The following PSD3 variants were observed in gnomAD, a reference collection of about 807,000 sequenced individuals.
PSD3 encodes PH and SEC7 domain-containing protein 3.
A neutral mutation model predicts 105.5 loss-of-function variants in PSD3; 49 were observed. The ratio of observed to expected loss-of-function variants is 0.46; its 90% CI spans 0.37 to 0.59. The LOEUF (loss-of-function observed/expected upper bound fraction) is 0.59, where lower values mean the gene tolerates loss of function less well. Among genes scored for constraint, PSD3 ranks in the 20% least tolerant of loss-of-function variants. The pLI is 0.00. For synonymous variants in PSD3, 557 were observed against 457.8 expected, an observed-to-expected ratio of 1.22 and a Z score of -2.77; for missense variants, 1,561 against 1,263.8, an observed-to-expected ratio of 1.24 and a Z score of -3.57.
At chr8:18,628,651 T>C (rs901313821) in intron 11 of PSD3, among the ~76,000 whole-genome samples, 3 of 151,910 alleles carry the variant, frequency 2.0e-5, no homozygotes, top group African/African-American at 7.2e-5. Flanking sequence ...GAACATAGAA[T>C]TAAAATATAG....
At chr8:18,907,664 G>T (rs1004763514) in intron 2 of PSD3, among the ~76,000 whole-genome samples, 1 of 152,132 alleles carries the variant, frequency 6.6e-6, no homozygotes, top group Non-Finnish European at 1.5e-5. Flanking sequence ...TATAATCTAG[G>T]TTTCTGCAAG....
intron 8 of PSD3, among the ~76,000 whole-genome samples, chr8:18,772,947 T>A (rs553957219): frequency 6.6e-6 from 1 of 152,376 alleles, no homozygotes; most frequent in East Asian, 1.9e-4. Context: ...CTTATAGGTA[T>A]ATGATTTGTA....
chr8:18,760,403 C>CA (rs1256008245), intron 9 of PSD3, among the ~76,000 whole-genome samples: 1 of 151,686 alleles, frequency 6.6e-6, no homozygotes, highest in Non-Finnish European at 1.5e-5. Flanking sequence ...TTTAAATCCC[C>CA]ACCATCCCCA....
intron 12 of PSD3, among the ~76,000 whole-genome samples, chr8:18,581,779 G>C (rs1338494769): frequency 6.6e-6 from 1 of 152,196 alleles, no homozygotes; most frequent in Admixed American, 6.5e-5. Flanking sequence ...TCAGGGACCA[G>C]ACGCTATGTT....
chr8:18,706,621 T>C (rs1464793191), intron 9 of PSD3, among the ~76,000 whole-genome samples: 1 of 152,226 alleles, frequency 6.6e-6, no homozygotes, highest in Non-Finnish European at 1.5e-5. Flanking sequence ...GGCTTGGATA[T>C]ATTTTTCATC....
chr8:18,793,797 G>A (rs948087523), intron 8 of PSD3, among the ~76,000 whole-genome samples: 2 of 152,188 alleles, frequency 1.3e-5, no homozygotes, highest in Non-Finnish European at 2.9e-5. Flanking sequence ...TGAGAGGATA[G>A]CCTGCAAATG....
chr8:18,571,928 G>GA, intron 14 of PSD3, among the ~76,000 whole-genome samples: 1 of 152,114 alleles, frequency 6.6e-6, no homozygotes, highest in Non-Finnish European at 1.5e-5. Context: ...AGTTTTAAGT[G>GA]AAAAAGGACA....
At chr8:18,906,822 A>T (rs1044993987) in intron 2 of PSD3, among the ~76,000 whole-genome samples, 2 of 152,226 alleles carry the variant, frequency 1.3e-5, no homozygotes, top group Non-Finnish European at 2.9e-5. Flanking sequence ...AAGATTATAT[A>T]CCTAATTATA....
chr8:18,986,092 T>C (rs1364397583), intron 1 of PSD3, among the ~76,000 whole-genome samples: 1 of 152,116 alleles, frequency 6.6e-6, no homozygotes, highest in African/African-American at 2.4e-5. Flanking sequence ...CTCATTAACT[T>C]AGATTAATTG....
At chr8:18,640,107 T>G (rs1301045894) in intron 10 of PSD3, among the ~76,000 whole-genome samples, 1 of 152,192 alleles carries the variant, frequency 6.6e-6, no homozygotes, top group African/African-American at 2.4e-5. Flanking sequence ...ACTGTGGTCG[T>G]GAATCCATTC....
intron 12 of PSD3, among the ~76,000 whole-genome samples, chr8:18,588,317 CTA>C (rs1444417685): frequency 6.6e-6 from 1 of 152,174 alleles, no homozygotes; most frequent in Non-Finnish European, 1.5e-5. Context: ...AGACACAGAA[CTA>C]TGAAGTTTAA....
intron 7 of PSD3, among the ~76,000 whole-genome samples, chr8:18,799,962 G>A (rs565861196): frequency 1.1e-4 from 16 of 152,154 alleles, no homozygotes; most frequent in East Asian, 1.9e-4. Context: ...ATTAAAGCCA[G>A]GGTATTTTCA....
intron 9 of PSD3, among the ~76,000 whole-genome samples, chr8:18,671,737 T>C (rs1049916275): frequency 2.0e-5 from 3 of 152,014 alleles, no homozygotes; most frequent in Non-Finnish European, 4.4e-5. Flanking sequence ...GTTCACGCCA[T>C]TCTCCTGCCT....
At chr8:18,904,455 T>C (rs959910101) in intron 2 of PSD3, among the ~76,000 whole-genome samples, 9 of 152,306 alleles carry the variant, frequency 5.9e-5, no homozygotes, top group Admixed American at 2.0e-4. Flanking sequence ...GTACCCAGGA[T>C]ACAAGACATG....
intron 12 of PSD3, among the ~76,000 whole-genome samples, chr8:18,585,474 T>C (rs1289992292): frequency 6.6e-6 from 1 of 152,052 alleles, no homozygotes; most frequent in African/African-American, 2.4e-5. Context: ...AGTACCACTA[T>C]GTCTGGCTAA....
intron 1 of PSD3, among the ~76,000 whole-genome samples, chr8:19,083,502 G>GGGAAT (rs1829708678): frequency 6.6e-6 from 1 of 152,240 alleles, no homozygotes; most frequent in Non-Finnish European, 1.5e-5. Flanking sequence ...CTTCCTGATG[G>GGGAAT]GGAATGGAGG....
intron 9 of PSD3, among the ~76,000 whole-genome samples, chr8:18,724,634 AAAT>A (rs1480534734): frequency 6.6e-6 from 1 of 152,042 alleles, no homozygotes; most frequent in African/African-American, 2.4e-5. Context: ...ATAAAAATAA[AAAT>A]AAAAATAAAA....
intron 1 of PSD3, among the ~76,000 whole-genome samples, chr8:19,004,369 C>T (rs78662987): frequency 0.12 from 18,213 of 152,020 alleles, 1,351 homozygotes; most frequent in Non-Finnish European, 0.16. Flanking sequence ...AGTCATCATA[C>T]TGAAAGTTTT....
At chr8:19,064,228 C>A (rs1244080452) in intron 1 of PSD3, among the ~76,000 whole-genome samples, 1 of 152,108 alleles carries the variant, frequency 6.6e-6, no homozygotes, top group Non-Finnish European at 1.5e-5. Flanking sequence ...TAAGCTTTAA[C>A]AGCATGTAAT....
Sources: gnomAD v4.1 joint callset for allele counts (sites outside exome capture counted in the v4.1 genomes callset) on GRCh38, gnomAD v4.1.1 for gene constraint, MANE v1.5 for transcripts, NCBI Gene and HGNC (gene_info 2026-07-23, HGNC 2026-07-21) for gene names.